Variants in ATP6AP2 observed in about 807,000 individuals in gnomAD.
The protein encoded by ATP6AP2 is ATPase H+ transporting accessory protein 2.
ATP6AP2 carries 1 observed loss-of-function variant against 23.4 expected under a neutral mutation model. That is an observed-to-expected ratio of 0.04 (90% CI 0.02 to 0.20). The LOEUF (loss-of-function observed/expected upper bound fraction) is 0.20. Ranked by LOEUF, ATP6AP2 falls within the 10% of genes least tolerant of loss-of-function variation. The pLI is 1.00. For synonymous variants in ATP6AP2, 90 were observed against 97.1 expected, an observed-to-expected ratio of 0.93 and a Z score of 0.43; for missense variants, 174 against 271.3, an observed-to-expected ratio of 0.64 and a Z score of 2.52.
chrX:40,591,431 G>T, intron 3 of ATP6AP2, 66 bp downstream of exon 3: 2 of 1,094,483 alleles, frequency 1.8e-6, no homozygotes, highest in Non-Finnish European at 2.5e-6. Context: ...CTGTCATTAT[G>T]AATTGCATTC....
Position 40,597,579 on chromosome X carries a change from C to A in ATP6AP2, c.449C>A (p.Thr150Asn). 1 of 1,210,146 alleles carries A rather than the reference C, an allele frequency of 8.3e-7. No homozygotes were observed. The highest frequency in any genetic ancestry group is 3.0e-5 in the East Asian group (1 of 33,869). ...TCAGTGTTTGAAGACCTTTCAGTCACCTTGCGCCAGCTCCGTAATCGCCTG... is the reference window on the plus strand; with the variant it reads ...TCAGTGTTTGAAGACCTTTCAGTCAACTTGCGCCAGCTCCGTAATCGCCTG... Reference protein sequence around the residue: ...ANSVFEDLSVTLRQLRNRLFQ... With the variant: ...ANSVFEDLSVNLRQLRNRLFQ... The change falls in exon 5 of 9, where the codon ACC becomes AAC. Residue 150 changes from threonine (T) to asparagine (N), a missense_variant. Coordinates refer to ENST00000636580, the MANE Select transcript of ATP6AP2 (RefSeq NM_005765.3).
At chrX:40,586,490 CCT>C (rs1204447359) in intron 1 of ATP6AP2, among the ~76,000 whole-genome samples, 1 of 111,397 alleles carries the variant, frequency 9.0e-6, no homozygotes, top group African/African-American at 3.3e-5. Flanking sequence ...TCAAGAAATT[CCT>C]CTGTTTTCTC....
At chrX:40,584,297 C>T (rs1472983843) in intron 1 of ATP6AP2, among the ~76,000 whole-genome samples, 2 of 109,774 alleles carry the variant, frequency 1.8e-5, no homozygotes, top group Non-Finnish European at 3.8e-5. Context: ...CTCAAGTGAT[C>T]CTCCTCCTCA....
At chrX:40,589,735 C>A (rs1220624035) in intron 2 of ATP6AP2, 1 of 111,820 alleles carries the variant, frequency 8.9e-6, no homozygotes, top group South Asian at 3.7e-4. Context: ...TTGTAGGGGG[C>A]GGGAGGGTCT....
chrX:40,582,513 C>T (rs1926356106), intron 1 of ATP6AP2, among the ~76,000 whole-genome samples: 1 of 111,750 alleles, frequency 8.9e-6, no homozygotes, highest in Non-Finnish European at 1.9e-5. Context: ...TTTAATTCTG[C>T]ACCAGTATGC....
rs1192121077 is a variant in ATP6AP2, at chrX:40,606,597, G to C, written c.*842G>C. 1 of 112,434 alleles carries C rather than the reference G, an allele frequency of 8.9e-6. No homozygotes were observed. The highest frequency in any genetic ancestry group is 3.2e-5 in the African/African-American group (1 of 30,901). 9.3% of individuals were successfully genotyped at this position (112,434 alleles called of 1,213,427 possible). ...ACTTTTTATGTTGGAGTGGACCAAT[G>C]TCTATCAAGAGTGACAAATAAAGTT... On this transcript the variant is annotated 3_prime_UTR_variant, in exon 9 of 9. Coordinates refer to ENST00000636580, the MANE Select transcript of ATP6AP2 (RefSeq NM_005765.3).
At position 40,588,345 on chromosome X, in the gene ATP6AP2, C is replaced by G. The variant is rs370647718; in HGVS notation, c.38-641C>G. ...CTTGTGACATGTATGCCCCCCCCCC[C>G]CCCCAACATTTGACAGTCCTTATTT... is the stretch of plus-strand genomic sequence containing the variant. On this transcript the variant is annotated intron_variant, in intron 1 of 8. Transcript: ENST00000636580. 4.5e-5 allele frequency among the ~76,000 whole-genome samples: 3 copies of G among 67,410 alleles called. No homozygotes were observed. The East Asian group carries it at 1.9e-3, about 44-fold the overall frequency. The allele number at this position is 67,410 out of a possible 115,157, so 58.5% of individuals were successfully genotyped here.
intron 1 of ATP6AP2, among the ~76,000 whole-genome samples, chrX:40,584,161 C>T (rs1359476713): frequency 2.7e-5 from 3 of 110,903 alleles, no homozygotes; most frequent in Non-Finnish European, 5.7e-5. Flanking sequence ...ACTGCAGCCT[C>T]GACCACCCAG....
At chrX:40,592,562 A>G (rs1926660962) in intron 3 of ATP6AP2, 1 of 112,099 alleles carries the variant, frequency 8.9e-6, no homozygotes, top group African/African-American at 3.2e-5. Flanking sequence ...AGGGAGTTAT[A>G]AGACATTTTT....
intron 8 of ATP6AP2, among the ~76,000 whole-genome samples, chrX:40,602,879 A>G (rs765691659): frequency 1.0e-5 from 1 of 98,515 alleles, no homozygotes; most frequent in Admixed American, 1.1e-4. Context: ...TGGTCAGCAC[A>G]TGTGTTGAGA....
intron 1 of ATP6AP2, 62 bp downstream of exon 1, chrX:40,581,164 T>G (rs1407967690): frequency 1.8e-4 from 164 of 895,165 alleles, no homozygotes; most frequent in Non-Finnish European, 2.2e-4. Context: ...GGCTTGGGGG[T>G]CGGGGGCGGC....
intron 3 of ATP6AP2, chrX:40,591,810 T>A (rs1306461469): frequency 5.9e-6 from 1 of 170,621 alleles, no homozygotes; most frequent in Non-Finnish European, 1.1e-5. Flanking sequence ...GTGACTGTGC[T>A]GATCTAAGAG....
intron 1 of ATP6AP2, among the ~76,000 whole-genome samples, chrX:40,587,338 A>G (rs781143369): frequency 8.9e-6 from 1 of 112,147 alleles, no homozygotes; most frequent in Non-Finnish European, 1.9e-5. Flanking sequence ...CATTTTTCTT[A>G]GTGTTTGCAG....
At chrX:40,602,686 C>T (rs1310076766) in intron 8 of ATP6AP2, among the ~76,000 whole-genome samples, 1 of 106,659 alleles carries the variant, frequency 9.4e-6, no homozygotes, top group Non-Finnish European at 1.9e-5. Flanking sequence ...GTAAGCAGGC[C>T]GCCCTAAGGA....
chrX:40,582,061 A>T (rs1432930123), intron 1 of ATP6AP2, among the ~76,000 whole-genome samples: 1 of 112,052 alleles, frequency 8.9e-6, no homozygotes, highest in East Asian at 2.8e-4. Flanking sequence ...GGAGGCACAG[A>T]CAGTAGTGAA....
intron 1 of ATP6AP2, among the ~76,000 whole-genome samples, chrX:40,581,421 C>T (rs973819191): frequency 1.8e-5 from 2 of 112,934 alleles, no homozygotes; most frequent in Non-Finnish European, 3.8e-5. Flanking sequence ...ATGCATTTCT[C>T]AGTGAACTGG....
intron 1 of ATP6AP2, among the ~76,000 whole-genome samples, chrX:40,581,856 AG>A (rs1405634298): frequency 2.7e-5 from 3 of 111,745 alleles, no homozygotes; most frequent in Non-Finnish European, 5.6e-5. Context: ...ATTTGACAGC[AG>A]TCCTTAGAGG....
At chrX:40,598,928 CT>C in intron 6 of ATP6AP2, 194 bp downstream of exon 6, 1 of 441,744 alleles carries the variant, frequency 2.3e-6, no homozygotes, top group South Asian at 3.3e-5. Flanking sequence ...TGCATTTCTG[CT>C]TTTTAGGGAG....
intron 1 of ATP6AP2, among the ~76,000 whole-genome samples, chrX:40,585,378 AGAG>A (rs1297931980): frequency 8.9e-6 from 1 of 111,903 alleles, no homozygotes; most frequent in African/African-American, 3.2e-5. Flanking sequence ...GGAAAGAAAC[AGAG>A]GAGAAGCAGC....
Sources: allele counts gnomAD v4.1 joint callset (sites outside exome capture counted in the v4.1 genomes callset), GRCh38; gene constraint gnomAD v4.1.1; transcripts MANE v1.5; gene names NCBI Gene and HGNC (gene_info 2026-07-23, HGNC 2026-07-21).